CPEB3: variants seen among roughly 807,000 people sequenced by gnomAD.
The protein encoded by CPEB3 is cytoplasmic polyadenylation element-binding protein 3.
CPEB3 carries 20 observed loss-of-function variants against 67.2 expected under a neutral mutation model. That is an observed-to-expected ratio of 0.30 (90% CI 0.21 to 0.43). The LOEUF (loss-of-function observed/expected upper bound fraction) is 0.43, where lower values mean the gene tolerates loss of function less well. Ranked by LOEUF, CPEB3 falls within the 20% of genes least tolerant of loss-of-function variation. CPEB3 has a pLI of 1.00. For synonymous variants in CPEB3, 376 were observed against 393.1 expected (o/e 0.96, Z 0.51); for missense variants, 746 against 968.6 (o/e 0.77, Z 3.05).
chr10:92,060,346 T>C (rs747360763), intron 9 of CPEB3, among the ~76,000 whole-genome samples: 30 of 152,064 alleles, frequency 2.0e-4, no homozygotes, highest in Non-Finnish European at 3.4e-4. Flanking sequence ...GAAGACCTTG[T>C]CTAAAAATAT....
intron 4 of CPEB3, among the ~76,000 whole-genome samples, chr10:92,154,248 G>A (rs1439802992): frequency 6.6e-6 from 1 of 152,182 alleles, no homozygotes; most frequent in Non-Finnish European, 1.5e-5. Flanking sequence ...AAGAAAAATG[G>A]TAAGATTCTT....
intron 2 of CPEB3, among the ~76,000 whole-genome samples, chr10:92,217,250 C>A (rs10786032): frequency 1.0e-5 from 1 of 99,362 alleles, no homozygotes; most frequent in Non-Finnish European, 1.8e-5. Flanking sequence ...TATATATATA[C>A]ACACACACAC....
chr10:92,224,882 T>C (rs1850887772), intron 2 of CPEB3, among the ~76,000 whole-genome samples: 1 of 147,698 alleles, frequency 6.8e-6, no homozygotes, highest in Non-Finnish European at 1.5e-5. Flanking sequence ...ACTTTATATA[T>C]ATATAAATTT....
At chr10:92,265,805 C>G (rs1418909048) in intron 1 of CPEB3, among the ~76,000 whole-genome samples, 3 of 121,616 alleles carry the variant, frequency 2.5e-5, no homozygotes, top group Non-Finnish European at 5.3e-5. Context: ...TTTTTTTTTT[C>G]AAATAGAAAC....
rs150073836 is a variant in CPEB3 at position 92,098,862 on chromosome 10, C to T, written c.1573-6918G>A. 2.8e-3 allele frequency among the ~76,000 whole-genome samples: 420 copies of T among 149,160 alleles called. 1 individual carries two copies. Among genetic ancestry groups the T allele is most frequent in the African/African-American group, 9.8e-3 (397 of 40,312 alleles). On this transcript the variant is annotated intron_variant, in intron 7 of 9. Coordinates refer to ENST00000265997, the MANE Select transcript of CPEB3 (RefSeq NM_014912.5). ...TCTCAGCTCACTGCAACCTCCATCTCCCGGGTTCAAGCAATTCTCCTGCCT... is the reference window on the plus strand; with the variant it reads ...TCTCAGCTCACTGCAACCTCCATCTTCCGGGTTCAAGCAATTCTCCTGCCT...
At chr10:92,164,956 A>G (rs1442659510) in intron 4 of CPEB3, among the ~76,000 whole-genome samples, 5 of 152,224 alleles carry the variant, frequency 3.3e-5, no homozygotes, top group Non-Finnish European at 5.9e-5. Context: ...TTATGAATTA[A>G]AATACAGGGA....
chr10:92,222,701 T>C (rs746170747), intron 2 of CPEB3, among the ~76,000 whole-genome samples: 17 of 152,178 alleles, frequency 1.1e-4, no homozygotes, highest in Non-Finnish European at 2.4e-4. Context: ...TAATGAATGT[T>C]ACAGCTCACT....
chr10:92,288,336 T>C (rs1842634983), intron 1 of CPEB3, among the ~76,000 whole-genome samples: 1 of 151,950 alleles, frequency 6.6e-6, no homozygotes, highest in Non-Finnish European at 1.5e-5. Context: ...GGTGCGCCCC[T>C]GTAGTCCTAG....
intron 1 of CPEB3, among the ~76,000 whole-genome samples, chr10:92,276,038 TG>T (rs1471361941): frequency 1.3e-5 from 2 of 151,004 alleles, no homozygotes; most frequent in Non-Finnish European, 3.0e-5. Flanking sequence ...TTAGTAGAGA[TG>T]GGGTTTCACT....
chr10:92,271,763 C>T (rs1853318474), intron 1 of CPEB3, among the ~76,000 whole-genome samples: 1 of 152,150 alleles, frequency 6.6e-6, no homozygotes, highest in African/African-American at 2.4e-5. Flanking sequence ...ACCCCTTTTA[C>T]TTAAATATCT....
chr10:92,152,860 TG>T (rs997159289), intron 4 of CPEB3, among the ~76,000 whole-genome samples: 1 of 152,194 alleles, frequency 6.6e-6, no homozygotes. Flanking sequence ...GAGTGACCAC[TG>T]AACAGTGTCA....
chr10:92,081,109 A>G (rs1033772520), intron 9 of CPEB3, among the ~76,000 whole-genome samples: 2 of 152,196 alleles, frequency 1.3e-5, no homozygotes, highest in African/African-American at 4.8e-5. Context: ...TAAGTGTAAC[A>G]TCACTCTGGG....
At chr10:92,216,566 A>G in intron 2 of CPEB3, 1 of 1,612,236 alleles carries the variant, frequency 6.2e-7, no homozygotes, top group Non-Finnish European at 8.5e-7. Flanking sequence ...AAAAGGGATC[A>G]TGGTTTTGGC....
intron 2 of CPEB3, among the ~76,000 whole-genome samples, chr10:92,228,860 C>CAT (rs1384805547): frequency 2.8e-5 from 4 of 143,738 alleles, no homozygotes; most frequent in East Asian, 4.3e-4. Context: ...ATTACAGGTG[C>CAT]ATGCCACCAT....
In CPEB3 at chr10:92,129,031, A is replaced by T. The variant is rs1845722115; in HGVS notation, c.1453+13998T>A. On this transcript the variant is annotated intron_variant, in intron 6 of 9. Transcript: ENST00000265997. Reference sequence around the variant, plus strand: ...ACATAAATCGTTCTATCATAAAGACACATGCACATGTGTGTTCACTGCAGC... The same window carrying T: ...ACATAAATCGTTCTATCATAAAGACTCATGCACATGTGTGTTCACTGCAGC... Among the ~76,000 whole-genome samples the T allele has an allele frequency of 1.3e-5, 2 of 152,264 alleles. 1 individual carries two copies. The highest frequency in any genetic ancestry group is 4.1e-4 in the South Asian group (2 of 4,838).
chr10:92,289,366 C>A (rs548417995), intron 1 of CPEB3, among the ~76,000 whole-genome samples: 55 of 152,028 alleles, frequency 3.6e-4, no homozygotes, highest in Admixed American at 5.9e-4. Context: ...ATAGTGAAAC[C>A]CCATCTCTAC....
At chr10:92,287,323 A>C (rs1842578544) in intron 1 of CPEB3, among the ~76,000 whole-genome samples, 1 of 152,144 alleles carries the variant, frequency 6.6e-6, no homozygotes, top group Non-Finnish European at 1.5e-5. Context: ...GCAGGAGTGC[A>C]TTTCAATGTG....
chr10:92,174,640 C>A (rs1848146026), intron 4 of CPEB3, among the ~76,000 whole-genome samples: 1 of 152,046 alleles, frequency 6.6e-6, no homozygotes, highest in Non-Finnish European at 1.5e-5. Flanking sequence ...AGGTTTTATT[C>A]TAGGAATCTT....
At chr10:92,078,400 A>G (rs910515855) in intron 9 of CPEB3, among the ~76,000 whole-genome samples, 1 of 152,342 alleles carries the variant, frequency 6.6e-6, no homozygotes, top group Admixed American at 6.5e-5. Flanking sequence ...CTGCCTTAAG[A>G]GAAGTAAAAT....
Sources: gnomAD v4.1 joint callset for allele counts (sites outside exome capture counted in the v4.1 genomes callset) on GRCh38, gnomAD v4.1.1 for gene constraint, MANE v1.5 for transcripts, NCBI Gene and HGNC (gene_info 2026-07-23, HGNC 2026-07-21) for gene names.